Variants in TMEM181 observed in about 807,000 individuals in gnomAD.
TMEM181 encodes the protein transmembrane protein 181, also known as G protein-coupled receptor 178.
A neutral mutation model predicts 71.9 loss-of-function variants in TMEM181; 39 were observed. The ratio of observed to expected loss-of-function variants is 0.54; its 90% CI spans 0.42 to 0.71. TMEM181 has a LOEUF of 0.71. TMEM181 is among the 30% of genes least tolerant of loss of function. TMEM181 has a pLI of 0.00. For synonymous variants in TMEM181, 245 were observed against 228.8 expected (o/e 1.07, Z -0.64); for missense variants, 595 against 583.0 (o/e 1.02, Z -0.21).
intron 10 of TMEM181, chr6:158,610,278 AC>A (rs1785220406): frequency 3.5e-6 from 1 of 283,458 alleles, no homozygotes; most frequent in Non-Finnish European, 7.3e-6. Context: ...TATTGTAGTA[AC>A]ATGGAAAATG....
chr6:158,610,857 G>A (rs1251471711), intron 10 of TMEM181: 3 of 341,044 alleles, frequency 8.8e-6, no homozygotes, highest in Non-Finnish European at 1.7e-5. Context: ...AAGGACTACT[G>A]TAAAAATGAG....
intron 11 of TMEM181, among the ~76,000 whole-genome samples, chr6:158,624,708 C>G (rs192691275): frequency 6.6e-6 from 1 of 152,344 alleles, no homozygotes; most frequent in Admixed American, 6.5e-5. Context: ...TTCCCAGGGC[C>G]TAGCCTGGGT....
intron 1 of TMEM181, among the ~76,000 whole-genome samples, chr6:158,544,927 A>C (rs970531648): frequency 6.6e-6 from 1 of 152,268 alleles, no homozygotes; most frequent in Non-Finnish European, 1.5e-5. Context: ...CAAGCAATGA[A>C]AGAAAAGTAA....
At chr6:158,590,738 A>AGGCGTGAGCCACC (rs1197727903) in intron 6 of TMEM181, among the ~76,000 whole-genome samples, 1 of 152,258 alleles carries the variant, frequency 6.6e-6, no homozygotes, top group Non-Finnish European at 1.5e-5. Flanking sequence ...CTGGGATTGC[A>AGGCGTGAGCCACC]GGCGTGAGCC....
chr6:158,551,679 A>G (rs895042401), intron 1 of TMEM181, among the ~76,000 whole-genome samples: 13 of 152,222 alleles, frequency 8.5e-5, no homozygotes, highest in Admixed American at 7.2e-4. Context: ...AGATACATCA[A>G]TAACATATCT....
intron 6 of TMEM181, among the ~76,000 whole-genome samples, chr6:158,590,095 C>T (rs535395078): frequency 2.0e-5 from 3 of 152,204 alleles, no homozygotes; most frequent in East Asian, 3.9e-4. Flanking sequence ...TGTGAGTGGT[C>T]GTCAGTCTCT....
chr6:158,568,779 G>A (rs1446010050), intron 1 of TMEM181, among the ~76,000 whole-genome samples: 3 of 152,128 alleles, frequency 2.0e-5, no homozygotes, highest in African/African-American at 4.8e-5. Flanking sequence ...GACTCCAGCC[G>A]CTGTGGTCAC....
intron 6 of TMEM181, among the ~76,000 whole-genome samples, chr6:158,590,452 T>C (rs1166531883): frequency 1.3e-5 from 2 of 152,142 alleles, no homozygotes; most frequent in Middle Eastern, 6.8e-3. Flanking sequence ...TGGTTTTTTT[T>C]TGTTTTGTTT....
Position 158,560,201 on chromosome 6 carries a change from G to A in TMEM181, c.-24G>A. ...TGGCGGGCTCGGGACGCGCGGGCCG[G>A]GGCCGAGGGCTCTGGGCGCCGAGAT... On this transcript the variant is annotated 5_prime_UTR_variant, in exon 1 of 17. Transcript: ENST00000684151. 1.0e-6 allele frequency: 1 copy of A among 984,940 alleles called. No homozygotes were observed. The highest frequency in any genetic ancestry group is 1.2e-6 in the Non-Finnish European group (1 of 829,756). 61.0% of individuals were successfully genotyped at this position (984,940 alleles called of 1,614,324 possible).
chr6:158,626,801 T>A (rs1786302153), intron 13 of TMEM181: 1 of 454,822 alleles, frequency 2.2e-6, no homozygotes, highest in African/African-American at 2.0e-5. Context: ...ATGCCTTCAC[T>A]CACAACTGAC....
chr6:158,552,804 C>T (rs899484232), intron 1 of TMEM181, among the ~76,000 whole-genome samples: 1 of 149,398 alleles, frequency 6.7e-6, no homozygotes, highest in Non-Finnish European at 1.5e-5. Context: ...AAAACTCTAC[C>T]TCAAGAAGTG....
intron 10 of TMEM181, among the ~76,000 whole-genome samples, chr6:158,618,275 G>T (rs1216780346): frequency 6.6e-6 from 1 of 152,100 alleles, no homozygotes; most frequent in Non-Finnish European, 1.5e-5. Context: ...TTTAAAGTTT[G>T]TTTTATCAGA....
At chr6:158,581,778 T>C (rs1446982196) in intron 3 of TMEM181, among the ~76,000 whole-genome samples, 3 of 114,944 alleles carry the variant, frequency 2.6e-5, no homozygotes, top group African/African-American at 9.8e-5. Context: ...AAAAAAAGCC[T>C]TAACTTTTTT....
chr6:158,575,998 A>G (rs1783132835), intron 2 of TMEM181, among the ~76,000 whole-genome samples: 1 of 152,206 alleles, frequency 6.6e-6, no homozygotes. Context: ...GCCAAACTCT[A>G]AAGAAATGCA....
chr6:158,586,643 T>C (rs1783788122), intron 5 of TMEM181, among the ~76,000 whole-genome samples: 1 of 152,180 alleles, frequency 6.6e-6, no homozygotes, highest in African/African-American at 2.4e-5. Flanking sequence ...GGCACTGTTT[T>C]TCCTAGCAAG....
At chr6:158,581,067 C>G in intron 3 of TMEM181, 72 bp downstream of exon 3, 4 of 1,440,286 alleles carry the variant, frequency 2.8e-6, no homozygotes, top group Non-Finnish European at 2.9e-6. Flanking sequence ...GAAATGGTTC[C>G]GCTTAGAGTC....
chr6:158,632,277 A>T lies in TMEM181; in HGVS notation c.*389A>T. Reference sequence around the variant, plus strand: ...ACTAGGTCCTCAGCGTGACAGCATCACCCTCTTTCTTCCCTTTTCCATGGT... The same window carrying T: ...ACTAGGTCCTCAGCGTGACAGCATCTCCCTCTTTCTTCCCTTTTCCATGGT... On this transcript the variant is annotated 3_prime_UTR_variant, in exon 17 of 17. Transcript: ENST00000684151. 1 of 211,538 alleles carries T rather than the reference A, an allele frequency of 4.7e-6. No individual in the cohort carries two copies. The highest frequency in any genetic ancestry group is 9.8e-6 in the Non-Finnish European group (1 of 101,950). 13.1% of individuals were successfully genotyped at this position (211,538 alleles called of 1,614,324 possible).
Position 158,631,928 on chromosome 6 carries a change from C to T in TMEM181, c.*40C>T, listed in dbSNP as rs943333288. The T allele has an allele frequency of 1.5e-5, 23 of 1,534,306 alleles. No individual in the cohort carries two copies. The highest frequency in any genetic ancestry group is 2.0e-5 in the Non-Finnish European group (23 of 1,129,472). ...AGCGAGGCGACAAGATGCCTGGATGCTTTCCCCGGTGACCGTCTGCTGACC... is the reference window on the plus strand; with the variant it reads ...AGCGAGGCGACAAGATGCCTGGATGTTTTCCCCGGTGACCGTCTGCTGACC... On this transcript the variant is annotated 3_prime_UTR_variant, in exon 17 of 17. Transcript: ENST00000684151.
At chr6:158,593,792 G>T (rs1359903490) in intron 6 of TMEM181, among the ~76,000 whole-genome samples, 2 of 152,062 alleles carry the variant, frequency 1.3e-5, no homozygotes, top group Admixed American at 6.6e-5. Context: ...AAAATTGAGA[G>T]GAAGGTACAG....
Sources: gnomAD v4.1 joint callset for allele counts (sites outside exome capture counted in the v4.1 genomes callset) on GRCh38, gnomAD v4.1.1 for gene constraint, MANE v1.5 for transcripts, NCBI Gene and HGNC (gene_info 2026-07-23, HGNC 2026-07-21) for gene names.